Variants in SLC9A2 observed in about 807,000 individuals in gnomAD.
The protein encoded by SLC9A2 is solute carrier family 9 member A2.
A neutral mutation model predicts 71.7 loss-of-function variants in SLC9A2; 42 were observed. The observed-to-expected ratio is 0.59, with a 90% CI of 0.46 to 0.76. The LOEUF is 0.76. SLC9A2 is among the 30% of genes least tolerant of loss of function. The pLI is 0.00. For synonymous variants in SLC9A2, 396 were observed against 392.5 expected (o/e 1.01, Z -0.10); for missense variants, 829 against 1,017.4 (o/e 0.81, Z 2.52).
Position 102,663,713 on chromosome 2 carries a change from C to A in SLC9A2, c.754-1387C>A, listed in dbSNP as rs146760911. Among the ~76,000 whole-genome samples the A allele has an allele frequency of 4.7e-4, 72 of 152,324 alleles. No homozygotes were observed. In the East Asian group the frequency reaches 0.014, roughly 29 times the overall value. ...AACCCAAATGAGGGTGTAGCACAGC[C>A]TTTCTCCCTAACGTCCTTATCAGTC... On this transcript the variant is annotated intron_variant, in intron 2 of 11. Transcript: ENST00000233969.
At chr2:102,704,871 A>C (rs1677944150) in intron 10 of SLC9A2, among the ~76,000 whole-genome samples, 196 bp downstream of exon 10, 1 of 152,086 alleles carries the variant, frequency 6.6e-6, no homozygotes, top group African/African-American at 2.4e-5. Flanking sequence ...AGTTCAAGGA[A>C]CTGTCAATAG....
chr2:102,630,254 G>A (rs1333986093), intron 1 of SLC9A2, among the ~76,000 whole-genome samples: 1 of 151,804 alleles, frequency 6.6e-6, no homozygotes, highest in Non-Finnish European at 1.5e-5. Context: ...TTTTACTGAT[G>A]TATATTCTTC....
At chr2:102,644,777 G>T (rs1028740527) in intron 1 of SLC9A2, among the ~76,000 whole-genome samples, 9 of 152,196 alleles carry the variant, frequency 5.9e-5, no homozygotes, top group African/African-American at 1.9e-4. Flanking sequence ...AGGCATCTCT[G>T]AAAGAAAGGC....
At chr2:102,664,608 A>G (rs997759619) in intron 2 of SLC9A2, among the ~76,000 whole-genome samples, 3 of 151,942 alleles carry the variant, frequency 2.0e-5, no homozygotes, top group Non-Finnish European at 4.4e-5. Flanking sequence ...TGGGAGGATG[A>G]CTGACTCATC....
intron 1 of SLC9A2, among the ~76,000 whole-genome samples, chr2:102,637,547 A>G (rs1339643572): frequency 6.6e-6 from 1 of 152,092 alleles, no homozygotes; most frequent in East Asian, 1.9e-4. Context: ...CCTGCGCCCA[A>G]CCCTGGCTTG....
chr2:102,665,705 C>T (rs1016151452), intron 3 of SLC9A2, among the ~76,000 whole-genome samples: 6 of 123,844 alleles, frequency 4.8e-5, no homozygotes, highest in Admixed American at 4.2e-4. Flanking sequence ...ACCCGGGAGG[C>T]GGAGCTTGCG....
intron 2 of SLC9A2, 87 bp downstream of exon 2, chr2:102,658,114 CGAGA>C: frequency 5.1e-6 from 5 of 989,038 alleles, no homozygotes; most frequent in Non-Finnish European, 6.1e-6. Context: ...CTGGCAGGGG[CGAGA>C]CCCTGCACAC....
At chr2:102,698,919 G>A (rs907735565) in intron 7 of SLC9A2, among the ~76,000 whole-genome samples, 2 of 152,188 alleles carry the variant, frequency 1.3e-5, no homozygotes, top group African/African-American at 4.8e-5. Flanking sequence ...GATACAGGGA[G>A]GACTTGGGAC....
chr2:102,682,764 A>C (rs566565049), intron 3 of SLC9A2, among the ~76,000 whole-genome samples: 6 of 152,214 alleles, frequency 3.9e-5, no homozygotes, highest in Non-Finnish European at 7.3e-5. Context: ...GTTGTTGACC[A>C]ATTATATGGC....
At chr2:102,658,552 G>A (rs528448465) in intron 2 of SLC9A2, among the ~76,000 whole-genome samples, 88 of 151,236 alleles carry the variant, frequency 5.8e-4, no homozygotes, top group African/African-American at 2.0e-3. Context: ...ATGATTTTAC[G>A]GAAAGTTTTT....
rs185015140 is a variant in SLC9A2 at position 102,664,053 on chromosome 2, A to G, written c.754-1047A>G. On this transcript the variant is annotated intron_variant, in intron 2 of 11. Coordinates refer to ENST00000233969, the MANE Select transcript of SLC9A2 (RefSeq NM_003048.6). ...CATTTTGGGAGGCCGAGGTGGGTGG[A>G]TCTCTTGAGGTCAGGAGTTCAAGAC... 9.9e-5 allele frequency among the ~76,000 whole-genome samples: 15 copies of G among 152,214 alleles called. No homozygotes were observed. In the East Asian group the frequency reaches 2.7e-3, roughly 28 times the overall value.
intron 11 of SLC9A2, among the ~76,000 whole-genome samples, chr2:102,707,736 G>T (rs888499271): frequency 2.0e-5 from 3 of 152,218 alleles, no homozygotes; most frequent in African/African-American, 7.2e-5. Context: ...GGGCAGATGA[G>T]CACAGCTGCT....
intron 5 of SLC9A2, among the ~76,000 whole-genome samples, chr2:102,692,999 T>A (rs1220599270): frequency 6.6e-6 from 1 of 151,720 alleles, no homozygotes; most frequent in Non-Finnish European, 1.5e-5. Context: ...GTGTATTATA[T>A]AACATGTTAT....
In SLC9A2 at chr2:102,702,384, TTC is replaced by T. The variant is rs1677888088; in HGVS notation, c.1749-20_1749-19del. The T allele has an allele frequency of 1.5e-6, 2 of 1,324,814 alleles. No homozygotes were observed. Among genetic ancestry groups the T allele is most frequent in the African/African-American group, 2.9e-5 (2 of 67,922 alleles). 82.1% of individuals were successfully genotyped at this position (1,324,814 alleles called of 1,614,324 possible). The stretch of plus-strand genomic sequence containing the variant: ...CTAATATTTGTTGAAAGGTAAAATA[TTC>T]TTTTTCTAAACTTTCACAGTGATTG... On this transcript the variant is annotated intron_variant, in intron 8 of 11. Coordinates refer to ENST00000233969, the MANE Select transcript of SLC9A2 (RefSeq NM_003048.6).
At position 102,694,428 on chromosome 2, in the gene SLC9A2, A is replaced by G. The variant is rs759514768; in HGVS notation, c.1440A>G (p.Arg480=). 2 of 1,501,004 alleles carry G rather than the reference A, an allele frequency of 1.3e-6. No homozygotes were observed. The allele number at this position is 1,501,004 out of a possible 1,614,324, so 93.0% of individuals were successfully genotyped here. The stretch of plus-strand genomic sequence containing the variant: ...TTCCTGTTCAGGGAATAACTATTCG[A>G]CCACTGGTGGAGTTTCTTGATGTCA... ...FTVFILGITI[R]PLVEFLDVKR... Residue 480 remains arginine, a synonymous_variant, in exon 6 of 12, where the codon CGA becomes CGG. Coordinates refer to ENST00000233969, the MANE Select transcript of SLC9A2 (RefSeq NM_003048.6).
At chr2:102,634,444 G>A (rs1037324739) in intron 1 of SLC9A2, among the ~76,000 whole-genome samples, 24 of 152,178 alleles carry the variant, frequency 1.6e-4, no homozygotes, top group Admixed American at 1.2e-3. Flanking sequence ...TCTTCGTTAG[G>A]TTGTTGTGAG....
chr2:102,678,189 T>C (rs191121963), intron 3 of SLC9A2, among the ~76,000 whole-genome samples: 2 of 152,304 alleles, frequency 1.3e-5, no homozygotes, highest in East Asian at 1.9e-4. Flanking sequence ...TTAGAAGAAC[T>C]CTTGAAGGCA....
intron 4 of SLC9A2, 31 bp downstream of exon 4, chr2:102,683,509 A>G: frequency 2.0e-6 from 3 of 1,527,140 alleles, no homozygotes; most frequent in Non-Finnish European, 2.7e-6. Context: ...AACTGGACAT[A>G]TGTAACACTC....
chr2:102,702,441 C>G lies in SLC9A2; in HGVS notation c.1784C>G (p.Ser595Cys). Residue 595 changes from serine to cysteine, a missense_variant, in exon 9 of 12, where the codon TCC becomes TGC. Ser to Cys is a moderately radical substitution (Grantham distance 112, BLOSUM62 -1). This residue lies in a region of SLC9A2 where 500 missense variants were observed against 726.3 expected (regional missense o/e 0.69). Transcript: ENST00000233969. The stretch of plus-strand genomic sequence containing the variant: ...GAAGAAAAAATAAGGAAGGTCACGT[C>G]CAGTGAAACTGATGAAATTCGAGAA... ...CREEKIRKVT[S>C]SETDEIRELL... is the part of the protein sequence containing the mutation. The G allele has an allele frequency of 6.2e-7, 1 of 1,601,828 alleles. No individual in the cohort carries two copies. Among genetic ancestry groups the G allele is most frequent in the Non-Finnish European group, 8.5e-7 (1 of 1,174,620 alleles).
Sources: gnomAD v4.1 joint callset for allele counts (sites outside exome capture counted in the v4.1 genomes callset) on GRCh38, gnomAD v4.1.1 for gene constraint, gnomAD v4.1.1 regional missense constraint, MANE v1.5 for transcripts, NCBI Gene and HGNC (gene_info 2026-07-23, HGNC 2026-07-21) for gene names.